Variants in CYRIB observed in about 807,000 individuals in gnomAD.
The protein encoded by CYRIB is CYFIP related Rac1 interactor B.
A neutral mutation model predicts 44.2 loss-of-function variants in CYRIB; 8 were observed. That is an observed-to-expected ratio of 0.18 (90% confidence interval 0.11 to 0.33). CYRIB has a LOEUF of 0.33. Ranked by LOEUF, CYRIB falls within the 10% of genes least tolerant of loss-of-function variation. The probability of loss-of-function intolerance (pLI) is 1.00; values close to 1 mark genes in which losing one functional copy is unlikely to be tolerated. For missense variants in CYRIB, 185 were observed against 382.8 expected (o/e 0.48, Z 4.31); for synonymous variants, 131 against 127.2 (o/e 1.03, Z -0.20).
intron 7 of CYRIB, among the ~76,000 whole-genome samples, chr8:129,852,630 G>T (rs2043921540): frequency 6.6e-6 from 1 of 152,096 alleles, no homozygotes; most frequent in African/African-American, 2.4e-5. Flanking sequence ...TCTAACAGGT[G>T]ATAACACAAA....
chr8:129,961,339 A>G (rs2095250465), intron 2 of CYRIB, among the ~76,000 whole-genome samples: 1 of 152,140 alleles, frequency 6.6e-6, no homozygotes, highest in Non-Finnish European at 1.5e-5. Context: ...CACAGCCCAG[A>G]TCACCCAGCA....
At chr8:129,931,219 T>A (rs2091185797) in intron 1 of CYRIB, among the ~76,000 whole-genome samples, 2 of 150,650 alleles carry the variant, frequency 1.3e-5, no homozygotes, top group South Asian at 4.2e-4. Flanking sequence ...TAGCCTCTCA[T>A]TTACCTAAAT....
At chr8:129,862,129 G>A in intron 5 of CYRIB, 100 bp downstream of exon 7, 1 of 819,060 alleles carries the variant, frequency 1.2e-6, no homozygotes, top group Non-Finnish European at 2.0e-6. Flanking sequence ...CAGATACTAA[G>A]CCAAATTCAG....
chr8:129,886,819 A>T (rs949674025), intron 2 of CYRIB, among the ~76,000 whole-genome samples: 9 of 151,588 alleles, frequency 5.9e-5, no homozygotes, highest in African/African-American at 2.2e-4. Flanking sequence ...CCACTGCCAC[A>T]CCTCCCTACT....
In CYRIB at chr8:129,907,341, G is replaced by A. The variant is rs182391101; in HGVS notation, c.-49-3991C>T. On this transcript the variant is annotated intron_variant, in intron 1 of 11. Coordinates refer to ENST00000519824, the Ensembl canonical transcript of CYRIB. ...AAATCATCATTCTCAGCAACCTATC[G>A]CAGAACAAAAAACCAAACACTGCAT... Among the ~76,000 whole-genome samples the A allele has an allele frequency of 1.7e-3, 247 of 149,406 alleles. 1 individual carries two copies. The highest frequency in any genetic ancestry group is 5.8e-3 in the African/African-American group (226 of 38,970).
At chr8:130,013,510 C>A (rs1342967055) in intron 1 of CYRIB, among the ~76,000 whole-genome samples, 1 of 152,222 alleles carries the variant, frequency 6.6e-6, no homozygotes, top group Non-Finnish European at 1.5e-5. Context: ...AAAATTCATA[C>A]TTAAAATCTG....
intron 4 of CYRIB, among the ~76,000 whole-genome samples, chr8:129,869,479 A>G (rs2056019776): frequency 6.6e-6 from 1 of 152,172 alleles, no homozygotes. Flanking sequence ...GCTTTAAAGA[A>G]GTTTAATGAC....
intron 4 of CYRIB, among the ~76,000 whole-genome samples, chr8:129,869,647 TCA>T (rs1203956586): frequency 1.3e-5 from 2 of 152,184 alleles, no homozygotes. Flanking sequence ...AACTTGAATT[TCA>T]CAGAAATGCT....
intron 2 of CYRIB, among the ~76,000 whole-genome samples, chr8:129,902,368 G>A (rs181703127): frequency 3.2e-4 from 49 of 152,124 alleles, no homozygotes; most frequent in Non-Finnish European, 2.4e-4. Context: ...ACAGGCACAC[G>A]CCACCACACC....
chr8:129,863,866 TC>T (rs1451216208), intron 4 of CYRIB, among the ~76,000 whole-genome samples: 1 of 152,220 alleles, frequency 6.6e-6, no homozygotes, highest in African/African-American at 2.4e-5. Context: ...TGATTTACTT[TC>T]TCTAACATCT....
intron 1 of CYRIB, among the ~76,000 whole-genome samples, chr8:129,924,013 G>C (rs2085591763): frequency 6.7e-6 from 1 of 148,870 alleles, no homozygotes; most frequent in African/African-American, 2.5e-5. Context: ...GCTCATGCCT[G>C]TATCCCCAAC....
chr8:130,007,122 T>C, intron 1 of CYRIB, among the ~76,000 whole-genome samples: 1 of 152,118 alleles, frequency 6.6e-6, no homozygotes, highest in Non-Finnish European at 1.5e-5. Flanking sequence ...CAACCACAAT[T>C]ATAAATTCTG....
chr8:129,928,733 G>A (rs2089565093), intron 1 of CYRIB, among the ~76,000 whole-genome samples: 1 of 151,580 alleles, frequency 6.6e-6, no homozygotes, highest in African/African-American at 2.4e-5. Flanking sequence ...TTAGTGATTA[G>A]GGAAACTCAA....
intron 1 of CYRIB, among the ~76,000 whole-genome samples, chr8:129,988,085 C>A (rs1042589969): frequency 1.3e-5 from 2 of 152,144 alleles, no homozygotes; most frequent in South Asian, 2.1e-4. Flanking sequence ...TGGATGCAGG[C>A]GGGCTGAGGC....
chr8:129,923,449 A>AT (rs1319938457), intron 1 of CYRIB, among the ~76,000 whole-genome samples: 66 of 151,732 alleles, frequency 4.3e-4, no homozygotes, highest in Admixed American at 9.8e-4. Flanking sequence ...TAATTTTTGT[A>AT]TTTTTAGTAG....
chr8:129,939,088 A>G (rs1488174437), intron 1 of CYRIB, among the ~76,000 whole-genome samples: 1 of 152,270 alleles, frequency 6.6e-6, no homozygotes, highest in East Asian at 1.9e-4. Flanking sequence ...AGCGATAAAG[A>G]CACCAACTTC....
At chr8:129,871,057 G>T (rs1378484946) in intron 4 of CYRIB, among the ~76,000 whole-genome samples, 1 of 152,160 alleles carries the variant, frequency 6.6e-6, no homozygotes, top group African/African-American at 2.4e-5. Context: ...AAAGTCATGG[G>T]GAAGGTGTAC....
intron 5 of CYRIB, among the ~76,000 whole-genome samples, chr8:129,859,814 A>G (rs892784554): frequency 1.3e-5 from 2 of 152,198 alleles, no homozygotes; most frequent in South Asian, 2.1e-4. Flanking sequence ...TCTAAGATCT[A>G]TATCTGGTAT....
At chr8:129,914,376 G>A (rs1251222508) in intron 1 of CYRIB, among the ~76,000 whole-genome samples, 1 of 152,272 alleles carries the variant, frequency 6.6e-6, no homozygotes, top group African/African-American at 2.4e-5. Context: ...GAGTGGTTAT[G>A]GTGAAAAGGA....
Sources: gnomAD v4.1 joint callset for allele counts (sites outside exome capture counted in the v4.1 genomes callset) on GRCh38, gnomAD v4.1.1 for gene constraint, MANE v1.5 for transcripts, NCBI Gene and HGNC (gene_info 2026-07-23, HGNC 2026-07-21) for gene names.